The following DYM variants were observed in gnomAD, a reference collection of about 807,000 sequenced individuals.
DYM encodes the protein dymeclin, also known as dyggve-Melchior-Clausen syndrome protein.
In DYM, 78 loss-of-function variants were observed where a neutral mutation model predicts 93.1. That is an observed-to-expected ratio of 0.84 (90% CI 0.70 to 1.01). The LOEUF (loss-of-function observed/expected upper bound fraction) is 1.01. Ranked by LOEUF, DYM falls within the 50% of genes least tolerant of loss-of-function variation. The pLI is 0.00. For missense variants in DYM, 789 were observed against 845.0 expected (o/e 0.93, Z 0.82); for synonymous variants, 321 against 319.7 (o/e 1.00, Z -0.04).
chr18:49,346,560 T>C (rs1211943330), intron 6 of DYM, among the ~76,000 whole-genome samples: 1 of 152,152 alleles, frequency 6.6e-6, no homozygotes, highest in Non-Finnish European at 1.5e-5. Context: ...AATTAGATAG[T>C]GGTGTTGGTT....
chr18:49,378,539 C>A lies in DYM; in HGVS notation c.421+28G>T, dbSNP rs745769390. 2.8e-5 allele frequency: 45 copies of A among 1,588,496 alleles called. 1 individual carries two copies. In the South Asian group the frequency reaches 4.8e-4, roughly 17 times the overall value. On this transcript the variant is annotated intron_variant, in intron 5 of 17. Transcript: ENST00000675505. ...TCCTTAAATGTTACACATGATATAT[C>A]CAGAACATCTTTAAAAACAATACTT...
intron 17 of DYM, among the ~76,000 whole-genome samples, chr18:49,065,464 G>T (rs1272564925): frequency 6.6e-6 from 1 of 152,162 alleles, no homozygotes; most frequent in African/African-American, 2.4e-5. Context: ...CTGTGTTCAA[G>T]CAATTCTCCT....
chr18:49,138,405 A>G (rs2084086046), intron 15 of DYM, among the ~76,000 whole-genome samples: 1 of 152,200 alleles, frequency 6.6e-6, no homozygotes, highest in African/African-American at 2.4e-5. Context: ...GCCTTTTACA[A>G]AAGATCCCAG....
chr18:49,043,978 TACTTCTGTTACCCAGAAATAAAAGA>T lies in DYM; in HGVS notation c.*52_*76del. The T allele has an allele frequency of 6.5e-7, 1 of 1,548,192 alleles. No individual in the cohort carries two copies. Among genetic ancestry groups the T allele is most frequent in the Non-Finnish European group, 8.9e-7 (1 of 1,126,274 alleles). On this transcript the variant is annotated 3_prime_UTR_variant, in exon 18 of 18. Coordinates refer to ENST00000675505, the MANE Select transcript of DYM (RefSeq NM_001353214.3). ...AGATACACCAAGTAACCTGTCTGTC[TACTTCTGTTACCCAGAAATAAAAGA>T]ACTTGAAGGGCTGCTTGGCTGGAGG...
At chr18:49,408,520 T>C (rs1218965252) in intron 2 of DYM, among the ~76,000 whole-genome samples, 1 of 152,214 alleles carries the variant, frequency 6.6e-6, no homozygotes, top group Non-Finnish European at 1.5e-5. Flanking sequence ...TACCCACCAG[T>C]AGTGCATAAT....
At chr18:49,397,533 G>A (rs909499780) in intron 2 of DYM, among the ~76,000 whole-genome samples, 1 of 152,212 alleles carries the variant, frequency 6.6e-6, no homozygotes, top group Admixed American at 6.5e-5. Context: ...TACACATGGT[G>A]CAGTAAATCC....
chr18:49,392,598 A>C (rs116125106), intron 2 of DYM, among the ~76,000 whole-genome samples: 110 of 151,164 alleles, frequency 7.3e-4, no homozygotes, highest in African/African-American at 2.5e-3. Context: ...GTACATGAAA[A>C]CATGCTCAAC....
chr18:49,152,485 G>T (rs1350825874), intron 15 of DYM, among the ~76,000 whole-genome samples: 1 of 152,206 alleles, frequency 6.6e-6, no homozygotes, highest in East Asian at 1.9e-4. Context: ...GTAGGGTCAG[G>T]GGGGATGAGG....
rs192114782 is a variant in DYM at position 49,333,356 on chromosome 18, A to G, written c.620+372T>C. Among the ~76,000 whole-genome samples, 16 of 152,364 alleles carry G rather than the reference A, an allele frequency of 1.1e-4. No individual in the cohort carries two copies. The East Asian group carries it at 3.1e-3, about 29-fold the overall frequency. On this transcript the variant is annotated intron_variant, in intron 7 of 17. Transcript: ENST00000675505. Reference sequence around the variant, plus strand: ...GTCCAAAGAGAGTAAGGGGGCATAGATCACAGGTGTTTCAAAGGGACTGCT... The same window carrying G: ...GTCCAAAGAGAGTAAGGGGGCATAGGTCACAGGTGTTTCAAAGGGACTGCT...
chr18:49,437,317 A>G (rs1018534966), intron 1 of DYM, among the ~76,000 whole-genome samples: 18 of 152,190 alleles, frequency 1.2e-4, no homozygotes, highest in Non-Finnish European at 2.4e-4. Context: ...CCCACTCATC[A>G]ATATATAGGA....
At chr18:49,270,928 T>A (rs976110364) in intron 11 of DYM, among the ~76,000 whole-genome samples, 1 of 152,084 alleles carries the variant, frequency 6.6e-6, no homozygotes, top group African/African-American at 2.4e-5. Context: ...ATAGAACCCC[T>A]AGCAAGGAGA....
intron 2 of DYM, among the ~76,000 whole-genome samples, chr18:49,397,986 C>T (rs2070321113): frequency 6.6e-6 from 1 of 152,126 alleles, no homozygotes; most frequent in African/African-American, 2.4e-5. Flanking sequence ...GCTAGAACCT[C>T]CCAGCAATTA....
chr18:49,090,446 G>C (rs916947896), intron 17 of DYM, among the ~76,000 whole-genome samples: 1 of 152,140 alleles, frequency 6.6e-6, no homozygotes, highest in African/African-American at 2.4e-5. Flanking sequence ...ATAAAAACAG[G>C]AGAAAAAAGT....
chr18:49,272,581 T>C (rs1847427219), intron 10 of DYM, among the ~76,000 whole-genome samples: 1 of 152,164 alleles, frequency 6.6e-6, no homozygotes, highest in Admixed American at 6.5e-5. Context: ...GTTGTTTGTT[T>C]TGAAGATTTT....
chr18:49,370,539 G>T (rs1338208763), intron 5 of DYM, among the ~76,000 whole-genome samples: 1 of 152,104 alleles, frequency 6.6e-6, no homozygotes, highest in Non-Finnish European at 1.5e-5. Context: ...GGCCAAGGAG[G>T]GCAGATCACT....
At chr18:49,057,631 G>A (rs980633432) in intron 17 of DYM, among the ~76,000 whole-genome samples, 2 of 152,204 alleles carry the variant, frequency 1.3e-5, no homozygotes, top group Non-Finnish European at 2.9e-5. Flanking sequence ...CCTCAGCCTA[G>A]ACAGGCTGGA....
intron 6 of DYM, chr18:49,359,963 C>T (rs1159598369): frequency 6.6e-6 from 1 of 152,094 alleles, no homozygotes; most frequent in Non-Finnish European, 1.5e-5. Flanking sequence ...CAAGACAAAC[C>T]TTCTTGTAGG....
At chr18:49,136,452 G>C (rs1209465226) in intron 15 of DYM, among the ~76,000 whole-genome samples, 3 of 152,036 alleles carry the variant, frequency 2.0e-5, no homozygotes, top group Non-Finnish European at 2.9e-5. Context: ...TTTAGTCTGG[G>C]GGGATAGGAC....
intron 13 of DYM, among the ~76,000 whole-genome samples, chr18:49,212,506 T>C (rs867311944): frequency 6.8e-6 from 1 of 146,996 alleles, no homozygotes; most frequent in East Asian, 2.0e-4. Context: ...GTAAAACTAA[T>C]TTTTTTTTTT....
Sources: allele counts gnomAD v4.1 joint callset (sites outside exome capture counted in the v4.1 genomes callset), GRCh38; gene constraint gnomAD v4.1.1; transcripts MANE v1.5; gene names NCBI Gene and HGNC (gene_info 2026-07-23, HGNC 2026-07-21).